Variants in CDH18 observed in about 807,000 individuals in gnomAD.
CDH18 encodes the protein cadherin 18.
Under a neutral mutation model 67.9 loss-of-function variants are expected in CDH18, and 31 were observed. The ratio of observed to expected loss-of-function variants is 0.46; its 90% CI spans 0.34 to 0.62. The LOEUF is 0.62. CDH18 is among the 20% of genes least tolerant of loss of function. The pLI is 0.01. For synonymous variants in CDH18, 362 were observed against 347.2 expected (o/e 1.04, Z -0.48); for missense variants, 890 against 975.5 (o/e 0.91, Z 1.17).
Position 19,967,955 on chromosome 5 carries a change from C to T in CDH18, c.-257+13105G>A, listed in dbSNP as rs189347827. ...ATCTAGAAAACCCCATTGTCTCAGC[C>T]CAAAATCTCCTTAAGCTGATAAGCA... On this transcript the variant is annotated intron_variant, in intron 2 of 12. Coordinates refer to ENST00000382275, the MANE Select transcript of CDH18 (RefSeq NM_004934.5). 3.0e-4 allele frequency among the ~76,000 whole-genome samples: 45 copies of T among 151,720 alleles called. 1 individual carries two copies. Among genetic ancestry groups the T allele is most frequent in the African/African-American group, 1.0e-3 (43 of 41,240 alleles).
At position 19,831,827 on chromosome 5, in the gene CDH18, A is replaced by C. The variant is rs558616393; in HGVS notation, c.228+6932T>G. ...CCATATGTTCATTGCAGCACTATTC[A>C]CAGTAGCAAAGACATGGATTCAATA... On this transcript the variant is annotated intron_variant, in intron 3 of 12. Transcript: ENST00000382275. Among the ~76,000 whole-genome samples, 6 of 152,300 alleles carry C rather than the reference A, an allele frequency of 3.9e-5. 1 individual carries two copies. The highest frequency in any genetic ancestry group is 2.6e-4 in the Admixed American group (4 of 15,272).
At chr5:19,895,070 T>C (rs1283306024) in intron 2 of CDH18, among the ~76,000 whole-genome samples, 1 of 152,152 alleles carries the variant, frequency 6.6e-6, no homozygotes, top group Non-Finnish European at 1.5e-5. Context: ...AACACTGCTC[T>C]ATGTAGTAGA....
intron 1 of CDH18, among the ~76,000 whole-genome samples, chr5:20,500,209 A>G (rs1036680642): frequency 9.9e-5 from 15 of 152,132 alleles, no homozygotes; most frequent in African/African-American, 3.6e-4. Context: ...AGGCACTCAA[A>G]CAATTAAATT....
intron 3 of CDH18, among the ~76,000 whole-genome samples, chr5:19,806,554 A>C (rs981801122): frequency 6.6e-6 from 1 of 152,190 alleles, no homozygotes; most frequent in Non-Finnish European, 1.5e-5. Flanking sequence ...TATCGTAAAA[A>C]CTGAAGAATA....
intron 2 of CDH18, among the ~76,000 whole-genome samples, chr5:20,095,599 G>GAAAGAAAGAAAGAAA (rs1554089721): frequency 8.3e-6 from 1 of 121,162 alleles, no homozygotes; most frequent in Non-Finnish European, 1.8e-5. Flanking sequence ...GAAGAAAGAA[G>GAAAGAAAGAAAGAAA]AAAGAAAGAA....
At chr5:19,771,716 T>C (rs1449163802) in intron 3 of CDH18, among the ~76,000 whole-genome samples, 1 of 152,136 alleles carries the variant, frequency 6.6e-6, no homozygotes, top group Non-Finnish European at 1.5e-5. Context: ...CTCAAAATAG[T>C]ATGCTGAATT....
intron 2 of CDH18, among the ~76,000 whole-genome samples, chr5:20,097,390 AAG>A (rs1746080996): frequency 6.6e-6 from 1 of 152,154 alleles, no homozygotes; most frequent in Non-Finnish European, 1.5e-5. Flanking sequence ...GGTGACAGGC[AAG>A]AGAGTATGTG....
intron 2 of CDH18, among the ~76,000 whole-genome samples, chr5:19,960,094 C>A (rs923844456): frequency 6.6e-6 from 1 of 151,964 alleles, no homozygotes; most frequent in Admixed American, 6.6e-5. Context: ...CTACTGTAGT[C>A]TTTATAAACA....
At chr5:20,174,409 G>A (rs1222442027) in intron 2 of CDH18, among the ~76,000 whole-genome samples, 2 of 152,098 alleles carry the variant, frequency 1.3e-5, no homozygotes, top group Non-Finnish European at 2.9e-5. Context: ...CTGTATGCTA[G>A]GTACTGCTTT....
chr5:19,983,935 G>A (rs1799308364), intron 1 of CDH18, among the ~76,000 whole-genome samples: 1 of 152,096 alleles, frequency 6.6e-6, no homozygotes, highest in Non-Finnish European at 1.5e-5. Context: ...ACTAAATATG[G>A]TAGGGACACC....
intron 2 of CDH18, among the ~76,000 whole-genome samples, chr5:19,908,547 CT>C (rs1316216236): frequency 1.3e-5 from 2 of 152,034 alleles, no homozygotes; most frequent in African/African-American, 4.8e-5. Context: ...GTTTTATAAA[CT>C]TTTCTTCCTG....
intron 3 of CDH18, among the ~76,000 whole-genome samples, chr5:19,805,480 T>A (rs1777946696): frequency 1.3e-5 from 2 of 152,166 alleles, no homozygotes; most frequent in Non-Finnish European, 2.9e-5. Context: ...TTTTCCTAAC[T>A]CTTTCTCCAT....
At chr5:20,402,313 T>G (rs181136558) in intron 1 of CDH18, among the ~76,000 whole-genome samples, 1 of 152,316 alleles carries the variant, frequency 6.6e-6, no homozygotes, top group East Asian at 1.9e-4. Flanking sequence ...CTGGATAGAA[T>G]ATAAAATCTA....
intron 8 of CDH18, among the ~76,000 whole-genome samples, chr5:19,547,250 C>T (rs1479393815): frequency 6.6e-6 from 1 of 152,146 alleles, no homozygotes; most frequent in Non-Finnish European, 1.5e-5. Flanking sequence ...AGTCAGTAGG[C>T]TTTCTGGCTA....
intron 3 of CDH18, among the ~76,000 whole-genome samples, chr5:19,799,672 G>A (rs567845667): frequency 7.0e-4 from 106 of 152,060 alleles, no homozygotes; most frequent in Non-Finnish European, 1.3e-3. Flanking sequence ...CTATTTCAGA[G>A]GATTATTTTT....
At chr5:19,640,506 T>C (rs1005664200) in intron 5 of CDH18, among the ~76,000 whole-genome samples, 2 of 151,916 alleles carry the variant, frequency 1.3e-5, no homozygotes, top group Non-Finnish European at 2.9e-5. Flanking sequence ...TAAGAAATCA[T>C]CAAATAGCAA....
At chr5:20,515,669 G>C (rs1755324901) in intron 1 of CDH18, among the ~76,000 whole-genome samples, 1 of 152,068 alleles carries the variant, frequency 6.6e-6, no homozygotes, top group Non-Finnish European at 1.5e-5. Flanking sequence ...GTGTATTGTG[G>C]AGTGTCTGCC....
intron 4 of CDH18, among the ~76,000 whole-genome samples, chr5:19,743,472 T>C (rs1179429008): frequency 6.6e-6 from 1 of 152,186 alleles, no homozygotes; most frequent in Non-Finnish European, 1.5e-5. Context: ...CATCCAGCTC[T>C]GCCATTGCCG....
chr5:20,133,923 G>T (rs1411980377), intron 2 of CDH18, among the ~76,000 whole-genome samples: 1 of 152,028 alleles, frequency 6.6e-6, no homozygotes, highest in Non-Finnish European at 1.5e-5. Flanking sequence ...TTCTCCATCT[G>T]CTCATCACAT....
Sources: gnomAD v4.1 joint callset for allele counts (sites outside exome capture counted in the v4.1 genomes callset) on GRCh38, gnomAD v4.1.1 for gene constraint, MANE v1.5 for transcripts, NCBI Gene and HGNC (gene_info 2026-07-23, HGNC 2026-07-21) for gene names.